Variants in GABRG3 observed in about 807,000 individuals in gnomAD.
GABRG3 encodes gamma-aminobutyric acid type A receptor subunit gamma3.
A neutral mutation model predicts 48.8 loss-of-function variants in GABRG3; 25 were observed. The ratio of observed to expected loss-of-function variants is 0.51; its 90% CI spans 0.37 to 0.72. The LOEUF is 0.72. GABRG3 is among the 30% of genes least tolerant of loss of function. The pLI is 0.00. For synonymous variants in GABRG3, 227 were observed against 217.6 expected, an observed-to-expected ratio of 1.04 and a Z score of -0.38; for missense variants, 394 against 577.9, an observed-to-expected ratio of 0.68 and a Z score of 3.26.
At chr15:27,289,766 TA>T (rs1222282167) in intron 3 of GABRG3, among the ~76,000 whole-genome samples, 3 of 152,196 alleles carry the variant, frequency 2.0e-5, no homozygotes, top group Non-Finnish European at 2.9e-5. Flanking sequence ...ATGTATGTGT[TA>T]ATGATTTATA....
chr15:27,034,432 T>A, intron 3 of GABRG3, among the ~76,000 whole-genome samples: 1 of 152,194 alleles, frequency 6.6e-6, no homozygotes, highest in East Asian at 1.9e-4. Context: ...GCACATTAAG[T>A]GTGTGTGTTC....
At chr15:27,240,032 A>G (rs957324884) in intron 3 of GABRG3, among the ~76,000 whole-genome samples, 1 of 152,256 alleles carries the variant, frequency 6.6e-6, no homozygotes, top group Non-Finnish European at 1.5e-5. Flanking sequence ...TAAAACATTT[A>G]TGAAAATGCC....
rs542686825 is a variant in GABRG3, at chr15:27,187,930, A to G, written c.271-138879A>G. ...GTGTGATGTTCCCCTTCCTGTGTCC[A>G]TGTGTTCTCATTGTTCAATTCCCAC... On this transcript the variant is annotated intron_variant, in intron 3 of 9. Transcript: ENST00000615808. Among the ~76,000 whole-genome samples, 196 of 126,282 alleles carry G rather than the reference A, an allele frequency of 1.6e-3. 10 individuals are homozygous for G. In the South Asian group the frequency reaches 0.043, roughly 27 times the overall value. The allele number at this position is 126,282 out of a possible 152,430, so 82.8% of individuals were successfully genotyped here.
intron 3 of GABRG3, among the ~76,000 whole-genome samples, chr15:27,202,724 AT>A (rs1667539234): frequency 6.6e-6 from 1 of 152,148 alleles, no homozygotes; most frequent in African/African-American, 2.4e-5. Context: ...TGCCTATCAT[AT>A]TCTTACCCAT....
chr15:27,238,076 T>C (rs1192490748), intron 3 of GABRG3, among the ~76,000 whole-genome samples: 2 of 152,236 alleles, frequency 1.3e-5, no homozygotes, highest in Admixed American at 6.5e-5. Context: ...TCGTTCATAC[T>C]GGACCTGGTG....
rs1456214595 is a variant in GABRG3 at position 27,190,559 on chromosome 15, G to A, written c.271-136250G>A. Among the ~76,000 whole-genome samples, 5 of 152,160 alleles carry A rather than the reference G, an allele frequency of 3.3e-5. No individual in the cohort carries two copies. In the South Asian group the frequency reaches 1.0e-3, roughly 32 times the overall value. On this transcript the variant is annotated intron_variant, in intron 3 of 9. Coordinates refer to ENST00000615808, the MANE Select transcript of GABRG3 (RefSeq NM_033223.5). ...CTGATGGTAGTTTGTATTTCTGTGG[G>A]ATCAGTGGTGATATCCCCTTTATCA...
At chr15:27,057,573 C>T (rs1896572210) in intron 3 of GABRG3, among the ~76,000 whole-genome samples, 1 of 152,110 alleles carries the variant, frequency 6.6e-6, no homozygotes, top group Non-Finnish European at 1.5e-5. Context: ...GTCTGAGCCC[C>T]CTGGAAAGGC....
chr15:27,312,808 C>T (rs966028092), intron 3 of GABRG3, among the ~76,000 whole-genome samples: 1 of 151,474 alleles, frequency 6.6e-6, no homozygotes, highest in African/African-American at 2.4e-5. Flanking sequence ...CACTAAACAG[C>T]AACATTATAA....
At chr15:27,152,574 G>T (rs1898336864) in intron 3 of GABRG3, among the ~76,000 whole-genome samples, 1 of 152,128 alleles carries the variant, frequency 6.6e-6, no homozygotes, top group Non-Finnish European at 1.5e-5. Flanking sequence ...AATTTGTAGA[G>T]AATTCATATC....
intron 3 of GABRG3, among the ~76,000 whole-genome samples, chr15:27,206,908 T>G (rs1159976105): frequency 6.6e-6 from 1 of 152,142 alleles, no homozygotes; most frequent in Non-Finnish European, 1.5e-5. Flanking sequence ...TCTGATAGAT[T>G]TTTCTCCATC....
intron 5 of GABRG3, among the ~76,000 whole-genome samples, chr15:27,406,586 A>G (rs4132750): frequency 0.17 from 26,420 of 152,118 alleles, 2,976 homozygotes; most frequent in African/African-American, 0.32. Flanking sequence ...ATTTAACAGG[A>G]TACCTGACCA....
chr15:27,251,005 A>G (rs1890437614), intron 3 of GABRG3, among the ~76,000 whole-genome samples: 1 of 152,136 alleles, frequency 6.6e-6, no homozygotes, highest in Non-Finnish European at 1.5e-5. Flanking sequence ...TGCAGTCCAC[A>G]CTTGCAGGTC....
Position 27,306,631 on chromosome 15 carries a change from CAT to C in GABRG3, c.271-20173_271-20172del, listed in dbSNP as rs1309781081. Among the ~76,000 whole-genome samples, 145 of 112,904 alleles carry C rather than the reference CAT, an allele frequency of 1.3e-3. 6 individuals are homozygous for C. The highest frequency in any genetic ancestry group is 0.013 in the Middle Eastern group (1 of 80). The allele number at this position is 112,904 out of a possible 152,430, so 74.1% of individuals were successfully genotyped here. A position where few individuals can be genotyped will look rare whatever the true frequency, so the allele number is the denominator to read the frequency against. ...TATATATAAACATATATAATATAAA[CAT>C]ATATTTATATATAAACATATATATG... On this transcript the variant is annotated intron_variant, in intron 3 of 9. Coordinates refer to ENST00000615808, the MANE Select transcript of GABRG3 (RefSeq NM_033223.5).
At position 27,304,780 on chromosome 15, in the gene GABRG3, T is replaced by A. The variant is rs887395701; in HGVS notation, c.271-22029T>A. ...GATATCCAAAGTACTATTTGCCAAG[T>A]GATATAATGTATTCAGATTCCAGGG... is the stretch of plus-strand genomic sequence containing the variant. On this transcript the variant is annotated intron_variant, in intron 3 of 9. Transcript: ENST00000615808. Among the ~76,000 whole-genome samples, 19 of 152,086 alleles carry A rather than the reference T, an allele frequency of 1.2e-4. 1 individual carries two copies. Among genetic ancestry groups the A allele is most frequent in the Middle Eastern group, 6.8e-3 (2 of 294 alleles).
chr15:27,139,035 A>G (rs1396625629), intron 3 of GABRG3, among the ~76,000 whole-genome samples: 2 of 152,172 alleles, frequency 1.3e-5, no homozygotes, highest in Non-Finnish European at 2.9e-5. Context: ...AGACAGACAG[A>G]CAGACAGAGA....
chr15:27,397,277 T>G (rs1887332392), intron 5 of GABRG3, among the ~76,000 whole-genome samples: 1 of 152,048 alleles, frequency 6.6e-6, no homozygotes. Context: ...ATTTTAGTTT[T>G]GACTAACTTG....
At chr15:27,268,302 T>C (rs772324564) in intron 3 of GABRG3, among the ~76,000 whole-genome samples, 1 of 152,196 alleles carries the variant, frequency 6.6e-6, no homozygotes, top group Non-Finnish European at 1.5e-5. Flanking sequence ...TCACTTCAGA[T>C]ACCAATTTAT....
chr15:27,261,804 C>A (rs1013976424), intron 3 of GABRG3, among the ~76,000 whole-genome samples: 2 of 152,046 alleles, frequency 1.3e-5, no homozygotes, highest in African/African-American at 4.8e-5. Flanking sequence ...GATGCTTTTA[C>A]ATTGTTACAC....
At chr15:27,307,828 A>G (rs1892705332) in intron 3 of GABRG3, among the ~76,000 whole-genome samples, 1 of 116,928 alleles carries the variant, frequency 8.6e-6, no homozygotes, top group Non-Finnish European at 1.7e-5. Context: ...AAATAAACAT[A>G]AACATATATA....
Sources: gnomAD v4.1 joint callset for allele counts (sites outside exome capture counted in the v4.1 genomes callset) on GRCh38, gnomAD v4.1.1 for gene constraint, MANE v1.5 for transcripts, NCBI Gene and HGNC (gene_info 2026-07-23, HGNC 2026-07-21) for gene names.